TBC1D1: variants seen among roughly 807,000 people sequenced by gnomAD.
TBC1D1 encodes the protein TBC1 (tre-2/USP6, BUB2, cdc16) domain family, member 1.
Under a neutral mutation model 125.6 loss-of-function variants are expected in TBC1D1, and 89 were observed. That is an observed-to-expected ratio of 0.71 (90% confidence interval 0.60 to 0.85). The LOEUF (loss-of-function observed/expected upper bound fraction) is 0.85, where lower values mean the gene tolerates loss of function less well. TBC1D1 is among the 40% of genes least tolerant of loss of function. The probability of loss-of-function intolerance (pLI) is 0.00; values close to 1 mark genes in which losing one functional copy is unlikely to be tolerated. For synonymous variants in TBC1D1, 565 were observed against 564.1 expected, an observed-to-expected ratio of 1.00 and a Z score of -0.02; for missense variants, 1,377 against 1,469.2, an observed-to-expected ratio of 0.94 and a Z score of 1.03.
At position 37,902,472 on chromosome 4, in the gene TBC1D1, A is replaced by G. The variant is rs1716290159; in HGVS notation, c.377A>G (p.Gln126Arg). The G allele has an allele frequency of 1.2e-6, 2 of 1,613,334 alleles. No homozygotes were observed. The highest frequency in any genetic ancestry group is 2.2e-5 in the South Asian group (2 of 90,940). Residue 126 changes from glutamine (Q) to arginine (R), a missense_variant, in exon 2 of 20, where the codon CAG becomes CGG. By Grantham distance (43) the Gln-to-Arg change is conservative (BLOSUM62 1). Transcript: ENST00000261439. ...ATTAAGGAAGACGCTGTCCACCGGC[A>G]GAGTATCTGCTATGTGTTCAAAGCC...
intron 6 of TBC1D1, 120 bp from the exon 7 acceptor site, chr4:38,027,668 A>G (rs1000747252): frequency 9.3e-6 from 5 of 536,238 alleles, no homozygotes; most frequent in Non-Finnish European, 9.9e-6. Flanking sequence ...TTTATTTCCT[A>G]AAACCTTGGA....
intron 12 of TBC1D1, among the ~76,000 whole-genome samples, chr4:38,073,316 T>C (rs1755025051): frequency 6.6e-6 from 1 of 152,254 alleles, no homozygotes; most frequent in African/African-American, 2.4e-5. Flanking sequence ...ATCAATCTTC[T>C]GGATTACACT....
intron 19 of TBC1D1, among the ~76,000 whole-genome samples, chr4:38,135,018 G>T (rs1038118950): frequency 6.6e-6 from 1 of 152,152 alleles, no homozygotes; most frequent in East Asian, 1.9e-4. Flanking sequence ...GTATTGTATC[G>T]ATTTGTGGTG....
At chr4:37,944,121 G>T (rs1022305731) in intron 2 of TBC1D1, among the ~76,000 whole-genome samples, 3 of 152,206 alleles carry the variant, frequency 2.0e-5, no homozygotes, top group African/African-American at 7.2e-5. Context: ...GTTTGCCTGG[G>T]TATCAGCAGC....
intron 12 of TBC1D1, among the ~76,000 whole-genome samples, chr4:38,089,189 C>T (rs550714755): frequency 1.3e-5 from 2 of 152,222 alleles, no homozygotes; most frequent in East Asian, 3.9e-4. Context: ...CACTGTATGA[C>T]CTTGGGCAAG....
intron 3 of TBC1D1, 103 bp from the exon 4 acceptor site, chr4:38,018,251 T>C: frequency 1.2e-6 from 1 of 862,066 alleles, no homozygotes; most frequent in Non-Finnish European, 1.9e-6. Flanking sequence ...TCTACGATGA[T>C]AGAGTCAGAA....
At chr4:38,051,737 G>A (rs1017518266) in intron 11 of TBC1D1, among the ~76,000 whole-genome samples, 162 bp from the exon 12 acceptor site, 15 of 152,170 alleles carry the variant, frequency 9.9e-5, no homozygotes, top group Admixed American at 5.2e-4. Context: ...GCCAGAGAGC[G>A]AGCAGAGATG....
intron 12 of TBC1D1, among the ~76,000 whole-genome samples, chr4:38,076,515 A>G (rs1032933991): frequency 6.6e-6 from 1 of 152,154 alleles, no homozygotes; most frequent in Non-Finnish European, 1.5e-5. Flanking sequence ...ATGCTTAGGC[A>G]CTTCAGCATC....
At chr4:38,077,677 A>C (rs1755835781) in intron 12 of TBC1D1, among the ~76,000 whole-genome samples, 2 of 145,734 alleles carry the variant, frequency 1.4e-5, no homozygotes, top group African/African-American at 5.1e-5. Context: ...CTGATTTTAC[A>C]TTAAAAGCCT....
intron 18 of TBC1D1, among the ~76,000 whole-genome samples, chr4:38,131,060 T>C (rs1765505109): frequency 1.3e-5 from 2 of 152,216 alleles, no homozygotes; most frequent in African/African-American, 4.8e-5. Context: ...TTCAGGGGCA[T>C]AACTGCAGAA....
chr4:38,109,516 T>C (rs1359688258), intron 15 of TBC1D1, among the ~76,000 whole-genome samples: 2 of 152,180 alleles, frequency 1.3e-5, no homozygotes, highest in Non-Finnish European at 2.9e-5. Flanking sequence ...AGGAAGCCCT[T>C]GGTGTTCAGT....
At chr4:37,951,692 C>T (rs996814617) in intron 2 of TBC1D1, among the ~76,000 whole-genome samples, 19 of 152,016 alleles carry the variant, frequency 1.2e-4, no homozygotes, top group African/African-American at 3.9e-4. Flanking sequence ...AGTGGACTTT[C>T]GATATTTGAA....
rs142611250 is a variant in TBC1D1, at chr4:38,122,148, G to T, written c.2963-2814G>T. ...AGCATCTCTGGCAGCAGGCATTTGG[G>T]AGTCTCTGGCAGGAATCAATCAGCG... On this transcript the variant is annotated intron_variant, in intron 17 of 19. Transcript: ENST00000261439. Among the ~76,000 whole-genome samples the T allele has an allele frequency of 2.0e-4, 30 of 152,338 alleles. 1 individual carries two copies. The East Asian group carries it at 5.8e-3, about 29-fold the overall frequency.
At chr4:37,978,206 C>T (rs1297973614) in intron 2 of TBC1D1, among the ~76,000 whole-genome samples, 2 of 152,098 alleles carry the variant, frequency 1.3e-5, no homozygotes, top group Non-Finnish European at 2.9e-5. Context: ...CCCGAGTTCC[C>T]ACCAGTTCGA....
At chr4:37,900,133 A>G (rs76880426) in intron 1 of TBC1D1, among the ~76,000 whole-genome samples, 4,561 of 133,538 alleles carry the variant, frequency 0.034, 233 homozygotes, top group African/African-American at 0.14. Context: ...AAAAAAAAGA[A>G]AAAAAAAAAA....
At chr4:38,020,386 G>A (rs1578298728) in intron 4 of TBC1D1, among the ~76,000 whole-genome samples, 1 of 152,190 alleles carries the variant, frequency 6.6e-6, no homozygotes, top group African/African-American at 2.4e-5. Context: ...GCTGAGGCAC[G>A]AGAATCACTT....
Position 37,941,596 on chromosome 4 carries a change from G to A in TBC1D1, c.417+39084G>A, listed in dbSNP as rs1212927284. On this transcript the variant is annotated intron_variant, in intron 2 of 19. Transcript: ENST00000261439. ...GAATGTATTTGCTCTTGCTTCTCTA[G>A]TTCTTTTAATTGTGATGTTAGGGTG... Among the ~76,000 whole-genome samples, 8 of 152,132 alleles carry A rather than the reference G, an allele frequency of 5.3e-5. No homozygotes were observed. In the South Asian group the frequency reaches 8.3e-4, roughly 16 times the overall value.
chr4:38,048,623 C>CAG (rs36049088), intron 10 of TBC1D1, among the ~76,000 whole-genome samples: 96,175 of 150,668 alleles, frequency 0.64, 31,337 homozygotes, highest in African/African-American at 0.77. Flanking sequence ...AGGTAGAATT[C>CAG]AGTCTCCAGT....
intron 2 of TBC1D1, among the ~76,000 whole-genome samples, chr4:37,999,113 G>T (rs974102465): frequency 1.3e-5 from 2 of 152,182 alleles, no homozygotes; most frequent in Admixed American, 6.5e-5. Flanking sequence ...GTCGGGTGTG[G>T]TGGTGGGCGC....
Sources: gnomAD v4.1 joint callset for allele counts (sites outside exome capture counted in the v4.1 genomes callset) on GRCh38, gnomAD v4.1.1 for gene constraint, MANE v1.5 for transcripts, NCBI Gene and HGNC (gene_info 2026-07-23, HGNC 2026-07-21) for gene names.